ZNF160: variants seen among roughly 807,000 people sequenced by gnomAD.
The protein encoded by ZNF160 is zinc finger protein 160.
In ZNF160, 9 loss-of-function variants were observed where a neutral mutation model predicts 13.1. The ratio of observed to expected loss-of-function variants is 0.69; its 90% CI spans 0.41 to 1.20. The LOEUF (loss-of-function observed/expected upper bound fraction) is 1.20. Ranked by LOEUF, ZNF160 falls within the 50% of genes most tolerant of loss-of-function variation. The pLI is 0.01. For synonymous variants in ZNF160, 293 were observed against 333.2 expected (o/e 0.88, Z 1.31); for missense variants, 838 against 988.0 (o/e 0.85, Z 2.04).
At chr19:53,082,471 CAA>C (rs1182898938) in intron 3 of ZNF160, among the ~76,000 whole-genome samples, 1 of 152,070 alleles carries the variant, frequency 6.6e-6, no homozygotes, top group Non-Finnish European at 1.5e-5. Flanking sequence ...TGCTTGAGCT[CAA>C]GAGACCAGCC....
Position 53,088,238 on chromosome 19 carries a change from G to C in ZNF160, c.-45-1917C>G, listed in dbSNP as rs116064199. The stretch of plus-strand genomic sequence containing the variant: ...GTGATCAGCTGTGCTACATGCTACC[G>C]ACAGGAAGAAAAAGATGAGGACAGG... On this transcript the variant is annotated intron_variant, in intron 2 of 5. Transcript: ENST00000683776. Among the ~76,000 whole-genome samples the C allele has an allele frequency of 4.2e-3, 640 of 152,270 alleles. 6 individuals carry two copies. The highest frequency in any genetic ancestry group is 0.015 in the African/African-American group (608 of 41,552).
At chr19:53,080,408 G>T (rs1301195909) in intron 3 of ZNF160, among the ~76,000 whole-genome samples, 1 of 152,122 alleles carries the variant, frequency 6.6e-6, no homozygotes, top group East Asian at 1.9e-4. Context: ...CCAGTCAGCA[G>T]TACTCTTAAA....
chr19:53,096,177 C>A (rs1428399051), intron 1 of ZNF160, among the ~76,000 whole-genome samples: 1 of 152,304 alleles, frequency 6.6e-6, no homozygotes, highest in Non-Finnish European at 1.5e-5. Flanking sequence ...TGAGATCGCA[C>A]CACTGCACTC....
rs773571214 is a variant in ZNF160 at position 53,070,019 on chromosome 19, A to C, written c.515T>G (p.Ile172Arg). Residue 172 changes from isoleucine to arginine, a missense_variant, in exon 6 of 6, where the codon ATA (isoleucine) becomes AGA (arginine). By Grantham distance (97) the Ile-to-Arg change is moderately conservative. Coordinates refer to ENST00000683776, the MANE Select transcript of ZNF160 (RefSeq NM_001322131.2). ...CTGATTGTTCATAAGCTTGTTTTCTATGTCTCTTCTGTCGCGTTGATCTCT... is the reference window on the plus strand; with the variant it reads ...CTGATTGTTCATAAGCTTGTTTTCTCTGTCTCTTCTGTCGCGTTGATCTCT... ...GKRDQRDRRD[I>R]ENKLMNNQLG... The C allele has an allele frequency of 6.2e-7, 1 of 1,613,950 alleles. No homozygotes were observed. Among genetic ancestry groups the C allele is most frequent in the Non-Finnish European group, 8.5e-7 (1 of 1,179,954 alleles).
Position 53,067,802 on chromosome 19 carries a change from C to G in ZNF160, c.*275G>C. On this transcript the variant is annotated 3_prime_UTR_variant, in exon 6 of 6. Coordinates refer to ENST00000683776, the MANE Select transcript of ZNF160 (RefSeq NM_001322131.2). ...CTGTTATTCCTCCTAGGAATCCTCA[C>G]TTACCATCGGTCACTGGGTAATGGC... The G allele has an allele frequency of 2.9e-6, 1 of 349,656 alleles. No homozygotes were observed. Among genetic ancestry groups the G allele is most frequent in the Non-Finnish European group, 5.2e-6 (1 of 193,406 alleles). The allele number at this position is 349,656 out of a possible 1,614,324, so 21.7% of individuals were successfully genotyped here. A position where few individuals can be genotyped will look rare whatever the true frequency, so the allele number is the denominator to read the frequency against.
intron 5 of ZNF160, among the ~76,000 whole-genome samples, chr19:53,070,548 C>T (rs112703092): frequency 3.9e-5 from 6 of 151,968 alleles, no homozygotes; most frequent in African/African-American, 1.4e-4. Flanking sequence ...GTAGCTGGGA[C>T]TACAGGCGCC....
intron 3 of ZNF160, among the ~76,000 whole-genome samples, chr19:53,079,803 G>A (rs2084555912): frequency 6.6e-6 from 1 of 151,882 alleles, no homozygotes; most frequent in Admixed American, 6.6e-5. Flanking sequence ...AACAGAAAGA[G>A]GGCTGCATGC....
intron 3 of ZNF160, 110 bp from the exon 4 acceptor site, chr19:53,075,293 C>A: frequency 7.2e-7 from 1 of 1,382,746 alleles, no homozygotes; most frequent in Non-Finnish European, 1.0e-6. Context: ...AGTGGGTGAG[C>A]TGACAGATCC....
At chr19:53,092,502 C>T (rs1038774997) in intron 1 of ZNF160, among the ~76,000 whole-genome samples, 4 of 152,100 alleles carry the variant, frequency 2.6e-5, no homozygotes, top group Admixed American at 1.3e-4. Context: ...TTAGTAGAGA[C>T]GGAGTTTCAC....
At position 53,085,233 on chromosome 19, in the gene ZNF160, T is replaced by C. The variant is rs2084787113; in HGVS notation, c.15+1029A>G. 5.1e-6 allele frequency: 5 copies of C among 985,138 alleles called. No homozygotes were observed. In the African/African-American group the frequency reaches 8.7e-5, roughly 17 times the overall value. The allele number at this position is 985,138 out of a possible 1,614,324, so 61.0% of individuals were successfully genotyped here. A position where few individuals can be genotyped will look rare whatever the true frequency, so the allele number is the denominator to read the frequency against. On this transcript the variant is annotated intron_variant, in intron 3 of 5. Transcript: ENST00000683776. ...GCTCCTGTTTCCTAACACGAAAACA[T>C]GTCAATGTTCAAAACTTGCAGGTTA...
chr19:53,066,982 T>C lies in ZNF160; in HGVS notation c.*1095A>G, dbSNP rs1282023580. 1.3e-5 allele frequency: 2 copies of C among 152,298 alleles called. No homozygotes were observed. Among genetic ancestry groups the C allele is most frequent in the African/African-American group, 2.4e-5 (1 of 41,552 alleles). The allele number at this position is 152,298 out of a possible 1,614,324, so 9.4% of individuals were successfully genotyped here. A position where few individuals can be genotyped will look rare whatever the true frequency, so the allele number is the denominator to read the frequency against. On this transcript the variant is annotated 3_prime_UTR_variant, in exon 6 of 6. Transcript: ENST00000683776. ...TTTTAGTACAATTGGGGTTTCTCCA[T>C]GTTGGTCAGGCTGGTCTCGAACTCC... is the stretch of plus-strand genomic sequence containing the variant.
intron 2 of ZNF160, among the ~76,000 whole-genome samples, chr19:53,087,893 G>C (rs544281015): frequency 6.6e-6 from 1 of 152,168 alleles, no homozygotes; most frequent in Admixed American, 6.6e-5. Context: ...GATGCCTGTT[G>C]GGACATCCCT....
chr19:53,093,958 T>C (rs4801953), intron 1 of ZNF160, among the ~76,000 whole-genome samples: 86,561 of 151,944 alleles, frequency 0.57, 25,061 homozygotes, highest in Non-Finnish European at 0.61. Context: ...TCCCTTACAA[T>C]TGTGTAATAG....
Position 53,066,891 on chromosome 19 carries a change from C to T in ZNF160, c.*1186G>A, listed in dbSNP as rs1252303640. 1 of 152,220 alleles carries T rather than the reference C, an allele frequency of 6.6e-6. No homozygotes were observed. Among genetic ancestry groups the T allele is most frequent in the Non-Finnish European group, 1.5e-5 (1 of 68,094 alleles). 9.4% of individuals were successfully genotyped at this position (152,220 alleles called of 1,614,324 possible). On this transcript the variant is annotated 3_prime_UTR_variant, in exon 6 of 6. Transcript: ENST00000683776. The stretch of plus-strand genomic sequence containing the variant: ...TCCGCCTCCTGGGTTCAAGCACTCT[C>T]CTGCCTCAGCCTCCCAAGTAGCTGG...
chr19:53,068,496 T>C lies in ZNF160; in HGVS notation c.2038A>G (p.Asn680Asp), dbSNP rs45543133. 2.7e-3 allele frequency: 4,290 copies of C among 1,614,078 alleles called. 12 individuals carry two copies. Among genetic ancestry groups the C allele is most frequent in the Non-Finnish European group, 3.2e-3 (3,721 of 1,180,004 alleles). ...TGAGTGAAGACCTTGCCACATTGAT[T>C]ACATTTGTAAGGCTTCTCTCCAGTA... ...IHTGEKPYKCNQCGKVFTQNS... is the reference protein window; with the variant it reads ...IHTGEKPYKCDQCGKVFTQNS... Residue 680 changes from asparagine to aspartate, a missense_variant, in exon 6 of 6, where the codon AAT becomes GAT. Coordinates refer to ENST00000683776, the MANE Select transcript of ZNF160 (RefSeq NM_001322131.2).
At chr19:53,085,376 A>G (rs968254861) in intron 3 of ZNF160, 123 of 202,242 alleles carry the variant, frequency 6.1e-4, no homozygotes, top group African/African-American at 2.8e-3. Flanking sequence ...GTGGCTCCCC[A>G]CTAAGATGTG....
chr19:53,083,077 C>T (rs1176669775), intron 3 of ZNF160, among the ~76,000 whole-genome samples: 6 of 152,314 alleles, frequency 3.9e-5, no homozygotes, highest in African/African-American at 4.8e-5. Flanking sequence ...CTTCCATGCC[C>T]TCCCTGAGTA....
In ZNF160 at chr19:53,069,102, T is replaced by C. The variant is rs1468249739; in HGVS notation, c.1432A>G (p.Thr478Ala). ...CATTCATTGCATTTGAAAGGTTTTGTTCCAGTATGGATGACCTGATGGGTA... is the reference window on the plus strand; with the variant it reads ...CATTCATTGCATTTGAAAGGTTTTGCTCCAGTATGGATGACCTGATGGGTA... ...LATHQVIHTG[T>A]KPFKCNECSK... Residue 478 changes from threonine (T) to alanine (A), a missense_variant, in exon 6 of 6, where the codon ACA becomes GCA. By Grantham distance (58) the Thr-to-Ala change is moderately conservative. Transcript: ENST00000683776. This position sits in a 1 kb window ranked among gnomAD's most constrained non-coding sequence, Gnocchi z 4.4. The C allele has an allele frequency of 2.0e-5, 32 of 1,613,820 alleles. No homozygotes were observed. The Admixed American group carries it at 5.2e-4, about 26-fold the overall frequency.
At chr19:53,101,425 T>A (rs2085442869) in intron 1 of ZNF160, among the ~76,000 whole-genome samples, 1 of 150,184 alleles carries the variant, frequency 6.7e-6, no homozygotes, top group Admixed American at 6.6e-5. Context: ...ATTTTGAAAA[T>A]ATATATATTA....
Sources: gnomAD v4.1 joint callset for allele counts (sites outside exome capture counted in the v4.1 genomes callset) on GRCh38, gnomAD v4.1.1 for gene constraint, Gnocchi (gnomAD v3.1) non-coding constraint, MANE v1.5 for transcripts, NCBI Gene and HGNC (gene_info 2026-07-23, HGNC 2026-07-21) for gene names.